Variants in SSBP3 observed in about 807,000 individuals in gnomAD.
SSBP3 encodes the protein single-stranded DNA-binding protein 3.
SSBP3 carries 5 observed loss-of-function variants against 69.6 expected under a neutral mutation model. The ratio of observed to expected loss-of-function variants is 0.07; its 90% CI spans 0.04 to 0.15. The LOEUF (loss-of-function observed/expected upper bound fraction) is 0.15. SSBP3 is among the 10% of genes least tolerant of loss of function. The pLI, the probability that SSBP3 is intolerant of heterozygous loss-of-function variation, is 1.00. For synonymous variants in SSBP3, 196 were observed against 193.4 expected (o/e 1.01, Z -0.11); for missense variants, 312 against 534.0 (o/e 0.58, Z 4.10).
chr1:54,371,557 G>A (rs1262315707), intron 4 of SSBP3, among the ~76,000 whole-genome samples: 1 of 152,172 alleles, frequency 6.6e-6, no homozygotes, highest in South Asian at 2.1e-4. Flanking sequence ...TGCAATGATG[G>A]TGCCTCTGGA....
chr1:54,277,667 A>G (rs1312572740), intron 5 of SSBP3, among the ~76,000 whole-genome samples: 7 of 152,264 alleles, frequency 4.6e-5, no homozygotes, highest in Non-Finnish European at 1.0e-4. Flanking sequence ...ATTGGAATTT[A>G]AAAACAAAAC....
At chr1:54,374,863 T>C (rs892402870) in intron 4 of SSBP3, among the ~76,000 whole-genome samples, 4 of 152,208 alleles carry the variant, frequency 2.6e-5, no homozygotes, top group African/African-American at 4.8e-5. Context: ...TTAGTTTTCA[T>C]TTCATGAAAA....
chr1:54,350,568 A>G (rs1435515060), intron 4 of SSBP3, among the ~76,000 whole-genome samples: 1 of 152,188 alleles, frequency 6.6e-6, no homozygotes, highest in South Asian at 2.1e-4. Flanking sequence ...ACATGTGCAC[A>G]ACCCGGGTTT....
chr1:54,412,316 G>A lies in SSBP3; in HGVS notation c.-275+1040C>T, dbSNP rs546398053. On this transcript the variant is annotated intron_variant, in intron 1 of 8. Coordinates refer to the SSBP3 transcript ENST00000525990. ...TGCACTCCAGCCAGGGCGACAGAAC[G>A]AAACTCTGTCTCAAAAAAATTTAAA... 4.6e-5 allele frequency among the ~76,000 whole-genome samples: 7 copies of A among 152,252 alleles called. No individual in the cohort carries two copies. The East Asian group carries it at 5.8e-4, about 13-fold the overall frequency.
At chr1:54,233,344 C>A (rs1372623868) in intron 14 of SSBP3, among the ~76,000 whole-genome samples, 1 of 148,790 alleles carries the variant, frequency 6.7e-6, no homozygotes, top group Non-Finnish European at 1.5e-5. Flanking sequence ...CGTCTCTGCC[C>A]GGCCGCCCCG....
intron 5 of SSBP3, among the ~76,000 whole-genome samples, chr1:54,274,397 A>AT (rs77680686): frequency 0.12 from 17,969 of 150,650 alleles, 1,128 homozygotes; most frequent in South Asian, 0.24. Context: ...AACTATTAAC[A>AT]TAAGAGGGTG....
At position 54,241,804 on chromosome 1, in the gene SSBP3, C is replaced by A. The variant is rs115875894; in HGVS notation, c.766-295G>T. Among the ~76,000 whole-genome samples the A allele has an allele frequency of 9.7e-3, 1,474 of 152,342 alleles. 24 individuals carry two copies. Among genetic ancestry groups the A allele is most frequent in the African/African-American group, 0.033 (1,386 of 41,572 alleles). On this transcript the variant is annotated intron_variant, in intron 11 of 17. Coordinates refer to ENST00000610401, the Ensembl canonical transcript of SSBP3. ...GAGAGGGCAGGAAACAGCTTTACCC[C>A]ACATTCCTCTGGCCTTCACCCCACT...
At chr1:54,396,061 A>C (rs1648841098) in intron 4 of SSBP3, among the ~76,000 whole-genome samples, 1 of 151,888 alleles carries the variant, frequency 6.6e-6, no homozygotes, top group Non-Finnish European at 1.5e-5. Context: ...GTGTGGTGGC[A>C]CGCGCCTGTA....
chr1:54,282,449 G>A (rs1645412563), intron 4 of SSBP3, among the ~76,000 whole-genome samples: 1 of 152,204 alleles, frequency 6.6e-6, no homozygotes, highest in Non-Finnish European at 1.5e-5. Context: ...TCGCGAAGTG[G>A]GGGGACCGTC....
intron 4 of SSBP3, among the ~76,000 whole-genome samples, chr1:54,348,152 G>A (rs1239095378): frequency 6.8e-6 from 1 of 147,876 alleles, no homozygotes; most frequent in African/African-American, 2.5e-5. Flanking sequence ...CATCTTTATC[G>A]GGTGGCGGAC....
chr1:54,324,619 A>T (rs1449111903), intron 4 of SSBP3, among the ~76,000 whole-genome samples: 2 of 151,950 alleles, frequency 1.3e-5, no homozygotes. Flanking sequence ...CCTGATTTAC[A>T]GAATTTACCA....
Position 54,359,208 on chromosome 1 carries a change from C to CAAA in SSBP3, c.276+42650_276+42652dup, listed in dbSNP as rs56901465. On this transcript the variant is annotated intron_variant, in intron 4 of 17. Transcript: ENST00000610401. ...TGAGTTGCTATAATTACCCTCCCCTCAAAAAAAAAAAAAAAAAAAAAAGCT... is the reference window on the plus strand; with the variant it reads ...TGAGTTGCTATAATTACCCTCCCCTCAAAAAAAAAAAAAAAAAAAAAAAAAGCT... 1.8e-3 allele frequency among the ~76,000 whole-genome samples: 139 copies of CAAA among 75,270 alleles called. 2 individuals are homozygous for CAAA. The highest frequency in any genetic ancestry group is 3.8e-3 in the African/African-American group (82 of 21,418). The allele number at this position is 75,270 out of a possible 152,430, so 49.4% of individuals were successfully genotyped here. A position where few individuals can be genotyped will look rare whatever the true frequency, so the allele number is the denominator to read the frequency against.
In SSBP3 at chr1:54,281,295, G is replaced by A. The variant is rs975226220; in HGVS notation, c.366+143C>T. On this transcript the variant is annotated intron_variant, in intron 5 of 17. Transcript: ENST00000610401. ...GAAGGACTGTTGAAAGGGATGGGAA[G>A]GGAAGGATTTGAACCAGCATAAAGC... The A allele has an allele frequency of 4.6e-6, 3 of 658,502 alleles. No individual in the cohort carries two copies. In the African/African-American group the frequency reaches 5.6e-5, roughly 12 times the overall value. 40.8% of individuals were successfully genotyped at this position (658,502 alleles called of 1,614,324 possible).
At chr1:54,244,515 A>G (rs608482) in intron 9 of SSBP3, among the ~76,000 whole-genome samples, 98,541 of 152,136 alleles carry the variant, frequency 0.65, 32,775 homozygotes, top group African/African-American at 0.8. Flanking sequence ...CGAAAGTATC[A>G]GGATTACAGG....
intron 4 of SSBP3, among the ~76,000 whole-genome samples, chr1:54,318,294 C>T (rs182805717): frequency 1.1e-4 from 17 of 152,290 alleles, no homozygotes; most frequent in African/African-American, 3.1e-4. Context: ...TGTGCATGTG[C>T]GTACAGAGAG....
At chr1:54,307,028 G>A (rs1040070528) in intron 4 of SSBP3, among the ~76,000 whole-genome samples, 1 of 152,032 alleles carries the variant, frequency 6.6e-6, no homozygotes, top group East Asian at 1.9e-4. Context: ...GCTGTTCCCT[G>A]CCCACAGCCT....
At chr1:54,295,492 T>C (rs528192278) in intron 4 of SSBP3, among the ~76,000 whole-genome samples, 120 of 152,256 alleles carry the variant, frequency 7.9e-4, no homozygotes, top group African/African-American at 2.1e-3. Context: ...GAGCATGCAA[T>C]ACCAATGGCC....
chr1:54,315,402 T>C (rs550648525), intron 4 of SSBP3, among the ~76,000 whole-genome samples: 3 of 152,078 alleles, frequency 2.0e-5, no homozygotes, highest in East Asian at 1.9e-4. Context: ...CTTGGTACTA[T>C]GAGAAGCACA....
At chr1:54,282,501 G>C (rs1330986736) in intron 4 of SSBP3, among the ~76,000 whole-genome samples, 1 of 152,218 alleles carries the variant, frequency 6.6e-6, no homozygotes, top group Non-Finnish European at 1.5e-5. Context: ...GCATTTGCCT[G>C]GTATATCTGC....
Sources: gnomAD v4.1 joint callset for allele counts (sites outside exome capture counted in the v4.1 genomes callset) on GRCh38, gnomAD v4.1.1 for gene constraint, MANE v1.5 for transcripts, NCBI Gene and HGNC (gene_info 2026-07-23, HGNC 2026-07-21) for gene names.